Variants in FAF1 observed in about 807,000 individuals in gnomAD.
FAF1 encodes Fas associated factor 1.
FAF1 carries 25 observed loss-of-function variants against 92.5 expected under a neutral mutation model. The ratio of observed to expected loss-of-function variants is 0.27; its 90% confidence interval spans 0.20 to 0.38. The LOEUF (loss-of-function observed/expected upper bound fraction) is 0.38, where lower values mean the gene tolerates loss of function less well. FAF1 is among the 10% of genes least tolerant of loss of function. FAF1 has a pLI of 1.00. For missense variants in FAF1, 636 were observed against 793.3 expected, an observed-to-expected ratio of 0.80 and a Z score of 2.38; for synonymous variants, 234 against 273.2, an observed-to-expected ratio of 0.86 and a Z score of 1.42.
chr1:50,610,472 C>A (rs1166868242), intron 8 of FAF1, among the ~76,000 whole-genome samples: 1 of 152,082 alleles, frequency 6.6e-6, no homozygotes, highest in Non-Finnish European at 1.5e-5. Flanking sequence ...TGTTTTTCAA[C>A]AATTTATATT....
intron 8 of FAF1, among the ~76,000 whole-genome samples, chr1:50,621,440 C>T (rs897847056): frequency 7.8e-6 from 1 of 127,750 alleles, no homozygotes; most frequent in African/African-American, 3.1e-5. Flanking sequence ...CACTCTGTAG[C>T]CCAAGCTGGA....
At chr1:50,866,133 T>C (rs1242701275) in intron 1 of FAF1, among the ~76,000 whole-genome samples, 2 of 152,052 alleles carry the variant, frequency 1.3e-5, no homozygotes, top group Non-Finnish European at 2.9e-5. Context: ...GGAAAAGCAG[T>C]TGACAAAATC....
At chr1:50,942,818 A>C (rs1645144173) in intron 1 of FAF1, among the ~76,000 whole-genome samples, 1 of 151,728 alleles carries the variant, frequency 6.6e-6, no homozygotes, top group South Asian at 2.1e-4. Context: ...ATAGGGTGAC[A>C]CAGAGTGGGC....
chr1:50,780,874 G>C (rs1661150031), intron 4 of FAF1: 1 of 473,530 alleles, frequency 2.1e-6, no homozygotes, highest in Non-Finnish European at 4.2e-6. Flanking sequence ...AGGAGTCACA[G>C]AAGTGGTGGA....
At chr1:50,587,981 A>G (rs1314640200) in intron 9 of FAF1, among the ~76,000 whole-genome samples, 1 of 152,202 alleles carries the variant, frequency 6.6e-6, no homozygotes, top group African/African-American at 2.4e-5. Flanking sequence ...ATGTCAAGGC[A>G]CTATGTTAAA....
At chr1:50,623,062 C>T (rs140387829) in intron 8 of FAF1, among the ~76,000 whole-genome samples, 205 of 152,248 alleles carry the variant, frequency 1.3e-3, no homozygotes, top group African/African-American at 4.7e-3. Context: ...CTGTTCTCAC[C>T]GGTTCCCAAC....
chr1:50,833,181 A>T (rs1433689482), intron 2 of FAF1, among the ~76,000 whole-genome samples: 2 of 152,116 alleles, frequency 1.3e-5, no homozygotes, highest in Non-Finnish European at 2.9e-5. Flanking sequence ...CCCTCACTTC[A>T]AATGCCAATT....
chr1:50,779,817 G>A (rs916256590), intron 4 of FAF1, among the ~76,000 whole-genome samples: 1 of 151,770 alleles, frequency 6.6e-6, no homozygotes, highest in Non-Finnish European at 1.5e-5. Flanking sequence ...GTGCAGTGGT[G>A]CACACCTGTC....
intron 15 of FAF1, among the ~76,000 whole-genome samples, chr1:50,499,378 T>C (rs1370623522): frequency 6.6e-6 from 1 of 151,794 alleles, no homozygotes; most frequent in African/African-American, 2.4e-5. Context: ...TTTTTTTTTT[T>C]TTTTTAAATA....
chr1:50,848,585 G>A (rs1032707915), intron 2 of FAF1, among the ~76,000 whole-genome samples: 4 of 152,178 alleles, frequency 2.6e-5, no homozygotes, highest in Admixed American at 2.6e-4. Context: ...AGAAAACTGG[G>A]AGACGCTATC....
chr1:50,657,547 A>T (rs1433613949), intron 7 of FAF1, among the ~76,000 whole-genome samples: 1 of 152,144 alleles, frequency 6.6e-6, no homozygotes, highest in Non-Finnish European at 1.5e-5. Context: ...ACACAGTGAG[A>T]CCCTGTCTCA....
At chr1:50,523,164 G>A (rs1215080441) in intron 15 of FAF1, among the ~76,000 whole-genome samples, 2 of 152,060 alleles carry the variant, frequency 1.3e-5, no homozygotes, top group Non-Finnish European at 2.9e-5. Flanking sequence ...CCATTAATCT[G>A]TTGATAGATA....
At chr1:50,521,490 T>C (rs922468938) in intron 15 of FAF1, among the ~76,000 whole-genome samples, 6 of 152,214 alleles carry the variant, frequency 3.9e-5, no homozygotes, top group African/African-American at 1.2e-4. Context: ...AAGGTCTCAA[T>C]AGCCTCTTGA....
At chr1:50,714,541 C>G (rs892627674) in intron 6 of FAF1, among the ~76,000 whole-genome samples, 6 of 151,816 alleles carry the variant, frequency 4.0e-5, no homozygotes, top group Non-Finnish European at 8.8e-5. Flanking sequence ...CCAAAACAAA[C>G]AAACAAAAAA....
intron 15 of FAF1, among the ~76,000 whole-genome samples, chr1:50,503,976 G>T (rs1252369439): frequency 6.6e-6 from 1 of 152,084 alleles, no homozygotes; most frequent in Non-Finnish European, 1.5e-5. Context: ...GGATTTCATG[G>T]GTGTATACAT....
chr1:50,486,430 G>T (rs1369280325), intron 17 of FAF1, among the ~76,000 whole-genome samples: 4 of 151,982 alleles, frequency 2.6e-5, no homozygotes, highest in Non-Finnish European at 5.9e-5. Context: ...CTTCCCTTTG[G>T]TGTCCATCCA....
At chr1:50,781,092 C>T (rs763189127) in intron 4 of FAF1, 8 of 371,118 alleles carry the variant, frequency 2.2e-5, no homozygotes, top group Non-Finnish European at 4.3e-5. Context: ...AGCTCTCACA[C>T]TCTCAGGACA....
Position 50,439,812 on chromosome 1 carries a change from C to G in FAF1, c.*1628G>C, listed in dbSNP as rs958891528. On this transcript the variant is annotated 3_prime_UTR_variant, in exon 19 of 19. Transcript: ENST00000396153. ...TGGAGAGAAGTGTTCAGTTTGAACT[C>G]CCCTGAACACTTCCCCTGAAGGGAG... 1 of 152,116 alleles carries G rather than the reference C, an allele frequency of 6.6e-6. No homozygotes were observed. Among genetic ancestry groups the G allele is most frequent in the African/African-American group, 2.4e-5 (1 of 41,420 alleles). The allele number at this position is 152,116 out of a possible 1,614,324, so 9.4% of individuals were successfully genotyped here.
At chr1:50,466,704 A>C (rs1646500667) in intron 18 of FAF1, among the ~76,000 whole-genome samples, 1 of 152,136 alleles carries the variant, frequency 6.6e-6, no homozygotes, top group African/African-American at 2.4e-5. Context: ...TAACTCAACA[A>C]ATTTTATGTG....
Sources: allele counts gnomAD v4.1 joint callset (sites outside exome capture counted in the v4.1 genomes callset), GRCh38; gene constraint gnomAD v4.1.1; transcripts MANE v1.5; gene names NCBI Gene and HGNC (gene_info 2026-07-23, HGNC 2026-07-21).